ESR2: variants seen among roughly 807,000 people sequenced by gnomAD.
ESR2 encodes estrogen receptor beta.
In ESR2, 36 loss-of-function variants were observed where a neutral mutation model predicts 49.6. The ratio of observed to expected loss-of-function variants is 0.73; its 90% CI spans 0.56 to 0.96. The LOEUF is 0.96. Ranked by LOEUF, ESR2 falls within the 40% of genes least tolerant of loss-of-function variation. The pLI, the probability that ESR2 is intolerant of heterozygous loss-of-function variation, is 0.00. For missense variants in ESR2, 714 were observed against 693.0 expected (o/e 1.03, Z -0.34); for synonymous variants, 320 against 266.1 (o/e 1.20, Z -1.97).
chr14:64,272,913 G>A (rs2076479090), intron 3 of ESR2, among the ~76,000 whole-genome samples: 1 of 152,012 alleles, frequency 6.6e-6, no homozygotes, highest in African/African-American at 2.4e-5. Flanking sequence ...AAATATCATT[G>A]GTATTTTGAT....
At chr14:64,256,012 G>C (rs1392456107) in intron 6 of ESR2, among the ~76,000 whole-genome samples, 1 of 152,224 alleles carries the variant, frequency 6.6e-6, no homozygotes, top group Non-Finnish European at 1.5e-5. Flanking sequence ...GTGTAACACA[G>C]GGTCTTCTGA....
At position 64,238,878 on chromosome 14, in the gene ESR2, C is replaced by T. The variant is rs2075663401; in HGVS notation, c.1226-3728G>A. On this transcript the variant is annotated intron_variant, in intron 7 of 8. Coordinates refer to ENST00000341099, the MANE Select transcript of ESR2 (RefSeq NM_001437.3). Reference sequence around the variant, plus strand: ...TATCAGCTGGGAACAGCTGTGTGCTCCTCTCACCAGCCCACCTGGTGACAT... The same window carrying T: ...TATCAGCTGGGAACAGCTGTGTGCTTCTCTCACCAGCCCACCTGGTGACAT... Among the ~76,000 whole-genome samples the T allele has an allele frequency of 5.9e-5, 9 of 152,282 alleles. No homozygotes were observed. The South Asian group carries it at 1.9e-3, about 32-fold the overall frequency.
At chr14:64,305,683 A>C (rs1314192320) in intron 1 of ESR2, among the ~76,000 whole-genome samples, 1 of 151,910 alleles carries the variant, frequency 6.6e-6, no homozygotes, top group Non-Finnish European at 1.5e-5. Context: ...TAAATAAATA[A>C]ATAAATAAAA....
upstream of ESR2, among the ~76,000 whole-genome samples, chr14:64,298,949 T>C (rs1034251895): frequency 6.8e-6 from 1 of 147,778 alleles, no homozygotes; most frequent in African/African-American, 2.5e-5. Flanking sequence ...GAAGAGAAAC[T>C]AGCCCCTAGA....
chr14:64,232,719 A>C lies in ESR2; in HGVS notation c.*418T>G. 1 of 164,942 alleles carries C rather than the reference A, an allele frequency of 6.1e-6. No individual in the cohort carries two copies. The highest frequency in any genetic ancestry group is 1.3e-5 in the Non-Finnish European group (1 of 75,446). The allele number at this position is 164,942 out of a possible 1,614,324, so 10.2% of individuals were successfully genotyped here. On this transcript the variant is annotated 3_prime_UTR_variant, in exon 9 of 9. Coordinates refer to ENST00000341099, the MANE Select transcript of ESR2 (RefSeq NM_001437.3). The stretch of plus-strand genomic sequence containing the variant: ...AAGGTCAACTCTCAGAGGGAAGGGT[A>C]GTGTGTGCCACACAAGAAGGGTTAG...
intron 1 of ESR2, among the ~76,000 whole-genome samples, chr14:64,311,204 T>A (rs1384036288): frequency 6.6e-6 from 1 of 152,168 alleles, no homozygotes; most frequent in East Asian, 1.9e-4. Context: ...TAAAGAAAAT[T>A]ATTAATATTT....
chr14:64,293,547 A>G (rs2076906163), intron 1 of ESR2, among the ~76,000 whole-genome samples: 1 of 152,212 alleles, frequency 6.6e-6, no homozygotes, highest in South Asian at 2.1e-4. Context: ...CCTCTTCAGC[A>G]AATAAAGGAG....
intron 1 of ESR2, among the ~76,000 whole-genome samples, chr14:64,310,843 G>C (rs780826741): frequency 3.3e-5 from 5 of 152,046 alleles, no homozygotes; most frequent in Admixed American, 2.0e-4. Context: ...CTTCTTGACT[G>C]TATCCTTAAA....
intron 6 of ESR2, 101 bp downstream of exon 6, chr14:64,257,125 C>T: frequency 9.2e-7 from 1 of 1,084,920 alleles, no homozygotes; most frequent in Non-Finnish European, 1.4e-6. Flanking sequence ...CTCTGCCCTG[C>T]AAGTGTGAGA....
rs772629994 is a variant in ESR2, at chr14:64,249,609, G to A, written c.1162C>T (p.Arg388Ter). 21 of 1,613,748 alleles carry A rather than the reference G, an allele frequency of 1.3e-5. No individual in the cohort carries two copies. In the South Asian group the frequency reaches 1.6e-4, roughly 13 times the overall value. ...DMLLATTSRF[R>*]ELKLQHKEYL... Reference sequence around the variant, plus strand: ...TCTTTGTGTTGGAGTTTTAACTCTCGAAACCTTGAAGTAGTTGCCAGGAGC... The same window carrying A: ...TCTTTGTGTTGGAGTTTTAACTCTCAAAACCTTGAAGTAGTTGCCAGGAGC... The change falls in exon 7 of 9, where the codon CGA becomes TGA. Residue 388 changes from arginine (R) to a stop codon, truncating the protein, a stop_gained. Coordinates refer to ENST00000341099, the MANE Select transcript of ESR2 (RefSeq NM_001437.3). LOFTEE classifies it high-confidence loss of function.
intron 4 of ESR2, among the ~76,000 whole-genome samples, chr14:64,268,261 G>A (rs534440814): frequency 7.9e-5 from 12 of 152,288 alleles, no homozygotes; most frequent in African/African-American, 2.2e-4. Context: ...AATCTATGCT[G>A]TATGTACTTT....
chr14:64,282,082 G>A (rs928542622), intron 2 of ESR2, among the ~76,000 whole-genome samples: 6 of 152,162 alleles, frequency 3.9e-5, no homozygotes, highest in African/African-American at 9.7e-5. Context: ...TGTTCATCAC[G>A]TCTGTAATCC....
rs532410607 is a variant in ESR2 at position 64,327,687 on chromosome 14, C to T, written c.-91+10211G>A. Among the ~76,000 whole-genome samples the T allele has an allele frequency of 2.1e-4, 32 of 150,086 alleles. No homozygotes were observed. The South Asian group carries it at 6.0e-3, about 28-fold the overall frequency. On this transcript the variant is annotated intron_variant, in intron 1 of 8. Transcript: ENST00000358599. ...TCCAGCCTGGGCGACAGAGCAAGAC[C>T]CCACCTCAAAAATACAAATACAAAC...
exon 1 of ESR2, chr14:64,338,080 G>A (rs1244812821): frequency 1.3e-5 from 2 of 154,880 alleles, no homozygotes; most frequent in Non-Finnish European, 2.9e-5. Context: ...CCTACGAGGA[G>A]GGAGCGTCCC....
Position 64,249,670 on chromosome 14 carries a change from C to G in ESR2, c.1101G>C (p.Gly367=). ...APDLVLDRDE[G]KCVEGILEIF... ...TTTCCAGAATTCCTTCTACGCATTT[C>G]CCCTCATCCCTACAAAAGTTCGTTT... Residue 367 remains glycine (G), a synonymous_variant, in exon 7 of 9, where the codon GGG becomes GGC. Coordinates refer to ENST00000341099, the MANE Select transcript of ESR2 (RefSeq NM_001437.3). 6.2e-7 allele frequency: 1 copy of G among 1,610,886 alleles called. No individual in the cohort carries two copies. Among genetic ancestry groups the G allele is most frequent in the Non-Finnish European group, 8.5e-7 (1 of 1,178,270 alleles).
At chr14:64,300,281 G>T (rs2077007468) in intron 1 of ESR2, among the ~76,000 whole-genome samples, 1 of 152,174 alleles carries the variant, frequency 6.6e-6, no homozygotes, top group Non-Finnish European at 1.5e-5. Context: ...AAGAGATTCA[G>T]TTTCTGTGTT....
chr14:64,258,717 C>T (rs1025783889), intron 5 of ESR2, among the ~76,000 whole-genome samples: 1 of 152,186 alleles, frequency 6.6e-6, no homozygotes, highest in Non-Finnish European at 1.5e-5. Context: ...CTTTCTAAAT[C>T]CACATGCTTT....
intron 6 of ESR2, among the ~76,000 whole-genome samples, chr14:64,253,566 G>T (rs2076032453): frequency 1.0e-5 from 1 of 96,748 alleles, no homozygotes; most frequent in Non-Finnish European, 2.1e-5. Flanking sequence ...CTATTTGTGT[G>T]TGTGTGTGTG....
intron 1 of ESR2, among the ~76,000 whole-genome samples, chr14:64,288,986 CAAAAA>C (rs35178946): frequency 1.8e-5 from 1 of 55,658 alleles, no homozygotes; most frequent in Admixed American, 2.1e-4. Context: ...AACTCTGTCT[CAAAAA>C]AAAAAAAAAA....
Sources: allele counts gnomAD v4.1 joint callset (sites outside exome capture counted in the v4.1 genomes callset), GRCh38; gene constraint gnomAD v4.1.1; transcripts MANE v1.5; gene names NCBI Gene and HGNC (gene_info 2026-07-23, HGNC 2026-07-21).